The following ICA1 variants were observed in gnomAD, a reference collection of about 807,000 sequenced individuals.
The protein encoded by ICA1 is islet cell autoantigen 1.
ICA1 carries 40 observed loss-of-function variants against 71.0 expected under a neutral mutation model. That is an observed-to-expected ratio of 0.56 (90% CI 0.44 to 0.73). The LOEUF is 0.73. ICA1 is among the 30% of genes least tolerant of loss of function. The probability of loss-of-function intolerance (pLI) is 0.00; values close to 1 mark genes in which losing one functional copy is unlikely to be tolerated. For synonymous variants in ICA1, 207 were observed against 209.5 expected (o/e 0.99, Z 0.10); for missense variants, 578 against 576.5 (o/e 1.00, Z -0.03).
chr7:8,235,349 G>T (rs1487380554), intron 2 of ICA1, among the ~76,000 whole-genome samples: 2 of 152,126 alleles, frequency 1.3e-5, no homozygotes, highest in African/African-American at 4.8e-5. Flanking sequence ...GGTTTAACAT[G>T]CTGCTCAGAT....
chr7:8,157,316 G>GCTA, intron 7 of ICA1, 102 bp from the exon 8 acceptor site: 1 of 1,130,152 alleles, frequency 8.8e-7, no homozygotes, highest in Non-Finnish European at 1.2e-6. Flanking sequence ...ATTCTTTAAA[G>GCTA]CATGATTCTA....
rs1191809951 is a variant in ICA1, at chr7:8,262,081, G to T, written c.-80+13C>A. The T allele has an allele frequency of 6.6e-6, 1 of 152,140 alleles. No individual in the cohort carries two copies. Among genetic ancestry groups the T allele is most frequent in the Non-Finnish European group, 1.5e-5 (1 of 68,038 alleles). 9.4% of individuals were successfully genotyped at this position (152,140 alleles called of 1,614,324 possible). A position where few individuals can be genotyped will look rare whatever the true frequency, so the allele number is the denominator to read the frequency against. On this transcript the variant is annotated intron_variant, in intron 1 of 13. Coordinates refer to ENST00000402384, the MANE Select transcript of ICA1 (RefSeq NM_001136020.3). ...CCCGGCGCGCCCCCGCCCCGACCCC[G>T]GAGGGCAGGTACCTCGGAGCCCCGG...
chr7:8,159,548 C>T (rs1373258709), intron 6 of ICA1, among the ~76,000 whole-genome samples: 5 of 151,872 alleles, frequency 3.3e-5, no homozygotes, highest in Non-Finnish European at 7.4e-5. Flanking sequence ...CCCATCTCTA[C>T]AACAACAAAG....
intron 1 of ICA1, among the ~76,000 whole-genome samples, chr7:8,258,739 G>A (rs1483721269): frequency 6.6e-6 from 1 of 152,050 alleles, no homozygotes; most frequent in East Asian, 1.9e-4. Context: ...TTACTTACAG[G>A]TCAAAAAACA....
intron 9 of ICA1, among the ~76,000 whole-genome samples, chr7:8,143,065 T>C (rs148127528): frequency 1.2e-4 from 19 of 152,356 alleles, no homozygotes; most frequent in African/African-American, 4.3e-4. Flanking sequence ...TAAATTTTTT[T>C]TGTGTGTGGA....
chr7:8,258,265 C>A (rs1171306808), intron 1 of ICA1, among the ~76,000 whole-genome samples: 1 of 152,200 alleles, frequency 6.6e-6, no homozygotes, highest in African/African-American at 2.4e-5. Context: ...GTGTTTAGCA[C>A]AGTGTGTAGC....
intron 6 of ICA1, among the ~76,000 whole-genome samples, chr7:8,167,173 C>T (rs1806318352): frequency 6.6e-6 from 1 of 152,220 alleles, no homozygotes; most frequent in African/African-American, 2.4e-5. Flanking sequence ...CACATGCACA[C>T]ATGTGCTCAT....
At chr7:8,148,516 T>C (rs529656727) in intron 8 of ICA1, among the ~76,000 whole-genome samples, 6 of 152,342 alleles carry the variant, frequency 3.9e-5, no homozygotes, top group African/African-American at 1.4e-4. Context: ...TGACCATAAA[T>C]TGTTACATCG....
intron 13 of ICA1, among the ~76,000 whole-genome samples, chr7:8,119,766 A>G (rs1159650425): frequency 1.3e-5 from 2 of 152,172 alleles, no homozygotes; most frequent in Non-Finnish European, 2.9e-5. Context: ...GATTCGCTTG[A>G]ACCCGGGAGG....
chr7:8,121,381 C>A (rs1786864027), intron 13 of ICA1, among the ~76,000 whole-genome samples: 2 of 152,126 alleles, frequency 1.3e-5, no homozygotes, highest in African/African-American at 2.4e-5. Context: ...AAATATGGGA[C>A]CTGTTCCCAT....
chr7:8,240,911 T>G (rs1803608842), intron 1 of ICA1, among the ~76,000 whole-genome samples: 1 of 152,146 alleles, frequency 6.6e-6, no homozygotes, highest in Admixed American at 6.5e-5. Context: ...AATAAGGGAC[T>G]ATGTGAAAAG....
intron 9 of ICA1, among the ~76,000 whole-genome samples, chr7:8,142,696 G>A (rs1562631760): frequency 6.6e-6 from 1 of 152,134 alleles, no homozygotes; most frequent in East Asian, 1.9e-4. Flanking sequence ...CAGCCTTGAC[G>A]TCACTGAAGG....
At chr7:8,196,196 G>C (rs1206517521) in intron 6 of ICA1, among the ~76,000 whole-genome samples, 1 of 152,174 alleles carries the variant, frequency 6.6e-6, no homozygotes, top group Non-Finnish European at 1.5e-5. Flanking sequence ...AAGCTATCAA[G>C]CCATGAAAAG....
chr7:8,179,409 T>C (rs1392071564), intron 6 of ICA1, among the ~76,000 whole-genome samples: 3 of 152,168 alleles, frequency 2.0e-5, no homozygotes, highest in Admixed American at 2.0e-4. Context: ...GATCCAAAGA[T>C]TTATTATTTC....
intron 9 of ICA1, among the ~76,000 whole-genome samples, chr7:8,142,929 A>G (rs1395935708): frequency 6.6e-6 from 1 of 152,230 alleles, no homozygotes; most frequent in African/African-American, 2.4e-5. Context: ...TCTAGTACAT[A>G]TACTCTTTAA....
intron 10 of ICA1, 81 bp from the exon 11 acceptor site, chr7:8,139,128 T>G (rs1794360822): frequency 2.7e-6 from 3 of 1,111,634 alleles, no homozygotes; most frequent in Non-Finnish European, 4.1e-6. Context: ...GTAAGGTAAA[T>G]GCACGGCTTC....
Position 8,222,189 on chromosome 7 carries a change from A to T in ICA1, c.257-791T>A, listed in dbSNP as rs1797322801. ...GCACAAAGATGTAAATGCAAAAACA[A>T]TCATAGCATCATTATTTATAATAGT... On this transcript the variant is annotated intron_variant, in intron 4 of 13. Coordinates refer to ENST00000402384, the MANE Select transcript of ICA1 (RefSeq NM_001136020.3). This position sits in a 1 kb window ranked among gnomAD's most constrained non-coding sequence, Gnocchi z 4.8. Among the ~76,000 whole-genome samples the T allele has an allele frequency of 6.6e-6, 1 of 152,144 alleles. No individual in the cohort carries two copies. Among genetic ancestry groups the T allele is most frequent in the Admixed American group, 6.6e-5 (1 of 15,260 alleles).
At chr7:8,146,466 A>G (rs926515532) in intron 8 of ICA1, among the ~76,000 whole-genome samples, 1 of 152,116 alleles carries the variant, frequency 6.6e-6, no homozygotes, top group African/African-American at 2.4e-5. Flanking sequence ...ACATGGGGAG[A>G]ACATTCCCGT....
chr7:8,128,749 G>A (rs6948664), intron 12 of ICA1, among the ~76,000 whole-genome samples: 146,458 of 152,308 alleles, frequency 0.96, 70,443 homozygotes, highest in East Asian at 1. Context: ...TTGCCTAAGT[G>A]CCTTTTGCAG....
Sources: gnomAD v4.1 joint callset for allele counts (sites outside exome capture counted in the v4.1 genomes callset) on GRCh38, gnomAD v4.1.1 for gene constraint, Gnocchi (gnomAD v3.1) non-coding constraint, MANE v1.5 for transcripts, NCBI Gene and HGNC (gene_info 2026-07-23, HGNC 2026-07-21) for gene names.